The following CSMD1 variants were observed in gnomAD, a reference collection of about 807,000 sequenced individuals.
CSMD1 encodes CUB and Sushi multiple domains 1.
In CSMD1, 213 loss-of-function variants were observed where a neutral mutation model predicts 417.5. That is an observed-to-expected ratio of 0.51 (90% CI 0.46 to 0.57). The LOEUF (loss-of-function observed/expected upper bound fraction) is 0.57, where lower values mean the gene tolerates loss of function less well. CSMD1 is among the 20% of genes least tolerant of loss of function. CSMD1 has a pLI of 0.00. For synonymous variants in CSMD1, 2,862 were observed against 1,736.8 expected (o/e 1.65, Z -16.11); for missense variants, 6,923 against 4,529.7 (o/e 1.53, Z -15.17).
At chr8:3,228,591 CA>C (rs1195444124) in intron 27 of CSMD1, among the ~76,000 whole-genome samples, 1 of 151,800 alleles carries the variant, frequency 6.6e-6, no homozygotes, top group African/African-American at 2.4e-5. Flanking sequence ...AGTGGCTGGT[CA>C]AAATAAAGTA....
intron 26 of CSMD1, among the ~76,000 whole-genome samples, chr8:3,255,418 C>T (rs1800577511): frequency 6.6e-6 from 1 of 152,206 alleles, no homozygotes; most frequent in African/African-American, 2.4e-5. Context: ...ACATTTCAGT[C>T]TGCACAGGTT....
At chr8:4,166,752 G>T (rs903402628) in intron 3 of CSMD1, among the ~76,000 whole-genome samples, 1 of 152,082 alleles carries the variant, frequency 6.6e-6, no homozygotes, top group African/African-American at 2.4e-5. Context: ...CAAAACTATT[G>T]AAGCATAAAA....
At chr8:3,570,514 T>G (rs992220632) in intron 10 of CSMD1, among the ~76,000 whole-genome samples, 2 of 152,056 alleles carry the variant, frequency 1.3e-5, no homozygotes, top group African/African-American at 4.8e-5. Context: ...CCTCAGGTGG[T>G]TGCAGACGTC....
At chr8:3,748,402 T>A (rs897358318) in intron 6 of CSMD1, among the ~76,000 whole-genome samples, 3 of 152,180 alleles carry the variant, frequency 2.0e-5, no homozygotes, top group Non-Finnish European at 2.9e-5. Context: ...TCCACTGCCA[T>A]GGAAACAGGC....
chr8:4,419,060 T>G (rs1797104822), intron 3 of CSMD1, among the ~76,000 whole-genome samples: 1 of 152,176 alleles, frequency 6.6e-6, no homozygotes, highest in Non-Finnish European at 1.5e-5. Context: ...CAAAATACGA[T>G]TTTTGCCTAA....
At chr8:4,720,081 A>AT (rs1182106847) in intron 1 of CSMD1, among the ~76,000 whole-genome samples, 7 of 151,802 alleles carry the variant, frequency 4.6e-5, no homozygotes, top group Non-Finnish European at 7.4e-5. Context: ...TAAATGAAAT[A>AT]TTTTTTATGT....
chr8:4,083,618 T>C (rs1485249519), intron 3 of CSMD1, among the ~76,000 whole-genome samples: 1 of 152,104 alleles, frequency 6.6e-6, no homozygotes, highest in Admixed American at 6.6e-5. Flanking sequence ...TTAATGGTGC[T>C]GGGAAAACTG....
At chr8:3,891,081 C>G (rs1260464765) in intron 5 of CSMD1, among the ~76,000 whole-genome samples, 1 of 151,932 alleles carries the variant, frequency 6.6e-6, no homozygotes, top group African/African-American at 2.4e-5. Flanking sequence ...CAGGATCTCA[C>G]TCTGTCATCC....
intron 1 of CSMD1, among the ~76,000 whole-genome samples, chr8:4,762,140 A>T (rs1364126342): frequency 6.6e-6 from 1 of 152,106 alleles, no homozygotes; most frequent in Non-Finnish European, 1.5e-5. Context: ...ATAAATGTAA[A>T]AGGTAAGATG....
At chr8:4,217,090 T>C (rs977622509) in intron 3 of CSMD1, among the ~76,000 whole-genome samples, 1 of 152,192 alleles carries the variant, frequency 6.6e-6, no homozygotes, top group Non-Finnish European at 1.5e-5. Context: ...ATATAGTAGA[T>C]AGGGGCTGAC....
At chr8:3,364,600 G>C (rs987815753) in intron 20 of CSMD1, among the ~76,000 whole-genome samples, 2 of 152,090 alleles carry the variant, frequency 1.3e-5, no homozygotes, top group African/African-American at 4.8e-5. Context: ...CCCTTTTTGG[G>C]AGTGTTTATG....
intron 3 of CSMD1, among the ~76,000 whole-genome samples, chr8:4,163,627 A>G (rs1797290072): frequency 6.6e-6 from 1 of 152,168 alleles, no homozygotes; most frequent in African/African-American, 2.4e-5. Flanking sequence ...TCTGTTGACT[A>G]TCTACATATG....
intron 3 of CSMD1, among the ~76,000 whole-genome samples, chr8:4,232,778 G>T (rs545961886): frequency 6.6e-6 from 1 of 152,162 alleles, no homozygotes; most frequent in Non-Finnish European, 1.5e-5. Flanking sequence ...CCTAATTGAC[G>T]TTTGGAAATG....
chr8:4,079,870 C>T (rs1275223680), intron 3 of CSMD1, among the ~76,000 whole-genome samples: 1 of 152,138 alleles, frequency 6.6e-6, no homozygotes, highest in Non-Finnish European at 1.5e-5. Flanking sequence ...CCTTTGAATA[C>T]CATCTTCATA....
chr8:4,394,520 G>A (rs748162062), intron 3 of CSMD1, among the ~76,000 whole-genome samples: 5 of 152,140 alleles, frequency 3.3e-5, no homozygotes, highest in South Asian at 2.1e-4. Flanking sequence ...GAGATGAGGC[G>A]CTCATTCAGC....
intron 49 of CSMD1, among the ~76,000 whole-genome samples, chr8:3,067,245 C>T (rs1403576607): frequency 2.0e-5 from 3 of 152,138 alleles, no homozygotes; most frequent in Admixed American, 1.3e-4. Flanking sequence ...TGTCTCTTAT[C>T]GTGACGTTTT....
intron 1 of CSMD1, among the ~76,000 whole-genome samples, chr8:4,817,170 C>A (rs1184119521): frequency 6.6e-6 from 1 of 152,082 alleles, no homozygotes; most frequent in Admixed American, 6.5e-5. Context: ...CATGTATACA[C>A]ACTATACTCA....
chr8:3,978,326 T>C (rs778145342), intron 5 of CSMD1, among the ~76,000 whole-genome samples: 5 of 152,164 alleles, frequency 3.3e-5, no homozygotes, highest in Admixed American at 6.5e-5. Context: ...CCCACATGGC[T>C]CTCTTTTTTC....
At chr8:4,337,458 C>G (rs1456390098) in intron 3 of CSMD1, among the ~76,000 whole-genome samples, 1 of 152,088 alleles carries the variant, frequency 6.6e-6, no homozygotes, top group Non-Finnish European at 1.5e-5. Context: ...TCTTTGCAAA[C>G]CACACTGTGA....
Sources: gnomAD v4.1 joint callset for allele counts (sites outside exome capture counted in the v4.1 genomes callset) on GRCh38, gnomAD v4.1.1 for gene constraint, MANE v1.5 for transcripts, NCBI Gene and HGNC (gene_info 2026-07-23, HGNC 2026-07-21) for gene names.